Variants in PARP4 observed in about 807,000 individuals in gnomAD.
PARP4 encodes protein mono-ADP-ribosyltransferase PARP4.
In PARP4, 120 loss-of-function variants were observed where a neutral mutation model predicts 187.7. That is an observed-to-expected ratio of 0.64 (90% CI 0.55 to 0.74). The LOEUF (loss-of-function observed/expected upper bound fraction) is 0.74. Ranked by LOEUF, PARP4 falls within the 30% of genes least tolerant of loss-of-function variation. PARP4 has a pLI of 0.00. For missense variants in PARP4, 1,836 were observed against 2,070.5 expected, an observed-to-expected ratio of 0.89 and a Z score of 2.20; for synonymous variants, 654 against 740.9, an observed-to-expected ratio of 0.88 and a Z score of 1.90.
At chr13:24,505,989 G>C (rs966342871) in intron 1 of PARP4, among the ~76,000 whole-genome samples, 1 of 152,228 alleles carries the variant, frequency 6.6e-6, no homozygotes, top group African/African-American at 2.4e-5. Flanking sequence ...CCCTTTGCCT[G>C]CCCTTTCACC....
At chr13:24,466,326 C>T (rs1003545668) in intron 17 of PARP4, among the ~76,000 whole-genome samples, 1 of 152,090 alleles carries the variant, frequency 6.6e-6, no homozygotes, top group African/African-American at 2.4e-5. Context: ...GGACTACAGG[C>T]ATGCATCACC....
intron 16 of PARP4, 130 bp downstream of exon 16, chr13:24,469,764 G>T: frequency 2.1e-6 from 2 of 958,590 alleles, no homozygotes; most frequent in Non-Finnish European, 3.0e-6. Flanking sequence ...ATTCTTCAAA[G>T]AATATTCTCG....
chr13:24,469,954 A>G lies in PARP4; in HGVS notation c.1986T>C (p.Asp662=). 6.2e-7 allele frequency: 1 copy of G among 1,613,934 alleles called. No individual in the cohort carries two copies. Among genetic ancestry groups the G allele is most frequent in the Non-Finnish European group, 8.5e-7 (1 of 1,179,850 alleles). The change falls in exon 16 of 34, where the codon GAT becomes GAC. Residue 662 remains aspartate (D), a synonymous_variant. Coordinates refer to ENST00000381989, the MANE Select transcript of PARP4 (RefSeq NM_006437.4). ...PIEAKYIFPL[D]DKAAVCGFEA... ...CGAAGCCACACACAGCGGCCTTGTC[A>G]TCCAAAGGAAAGATATATTTTGCCT...
chr13:24,506,377 A>G (rs1593661220), intron 1 of PARP4, among the ~76,000 whole-genome samples: 1 of 152,252 alleles, frequency 6.6e-6, no homozygotes, highest in South Asian at 2.1e-4. Flanking sequence ...TGAAAAACAA[A>G]GCTTCCACAG....
At chr13:24,457,909 T>C (rs1488224362) in intron 20 of PARP4, among the ~76,000 whole-genome samples, 1 of 150,124 alleles carries the variant, frequency 6.7e-6, no homozygotes, top group Non-Finnish European at 1.5e-5. Context: ...TGAATGAAAA[T>C]CATACTGTTA....
chr13:24,495,699 C>G (rs1043610207), intron 6 of PARP4, among the ~76,000 whole-genome samples: 31 of 152,168 alleles, frequency 2.0e-4, no homozygotes, highest in African/African-American at 7.5e-4. Flanking sequence ...GTGTGGACCC[C>G]TGGGAAGCCA....
intron 22 of PARP4, among the ~76,000 whole-genome samples, chr13:24,454,327 C>A (rs1871703403): frequency 6.6e-6 from 1 of 152,222 alleles, no homozygotes; most frequent in Admixed American, 6.5e-5. Flanking sequence ...TCTGTCCCAG[C>A]AACAGCAGAC....
intron 16 of PARP4, among the ~76,000 whole-genome samples, chr13:24,469,349 G>C (rs1311572903): frequency 6.6e-6 from 1 of 152,108 alleles, no homozygotes; most frequent in African/African-American, 2.4e-5. Context: ...AGAATCAATA[G>C]TGAAAAAAAT....
chr13:24,485,445 T>C (rs1478935656), intron 11 of PARP4, among the ~76,000 whole-genome samples: 1 of 152,242 alleles, frequency 6.6e-6, no homozygotes, highest in Non-Finnish European at 1.5e-5. Context: ...GGCATCCTTC[T>C]GATTCATGCA....
intron 31 of PARP4, among the ~76,000 whole-genome samples, chr13:24,432,646 A>T (rs1429382758): frequency 2.6e-5 from 4 of 152,124 alleles, no homozygotes; most frequent in Admixed American, 1.3e-4. Flanking sequence ...TGTACAGTAG[A>T]TCTCCAGCAT....
intron 6 of PARP4, among the ~76,000 whole-genome samples, chr13:24,496,007 A>G (rs1184619298): frequency 6.6e-6 from 1 of 151,854 alleles, no homozygotes; most frequent in Admixed American, 6.6e-5. Context: ...TAAGGGAGGA[A>G]GGCACCCTGA....
intron 17 of PARP4, among the ~76,000 whole-genome samples, 186 bp from the exon 18 acceptor site, chr13:24,460,322 TG>T (rs1872145807): frequency 6.6e-6 from 1 of 152,196 alleles, no homozygotes; most frequent in African/African-American, 2.4e-5. Context: ...TCACCAGTGG[TG>T]GGAACAGGGT....
chr13:24,503,141 G>T (rs1031239034), intron 2 of PARP4, among the ~76,000 whole-genome samples: 9 of 152,232 alleles, frequency 5.9e-5, no homozygotes, highest in African/African-American at 2.2e-4. Flanking sequence ...ACAAGTTCAA[G>T]AGGCAGAAGG....
At chr13:24,484,520 T>C in intron 12 of PARP4, 133 bp downstream of exon 12, 1 of 641,442 alleles carries the variant, frequency 1.6e-6, no homozygotes, top group Non-Finnish European at 2.9e-6. Flanking sequence ...TGAAATAGTA[T>C]TCCAGCCACA....
intron 15 of PARP4, among the ~76,000 whole-genome samples, chr13:24,474,158 T>C (rs912185876): frequency 6.6e-6 from 1 of 152,150 alleles, no homozygotes; most frequent in Admixed American, 6.5e-5. Context: ...GGGCAAACAC[T>C]CTGCTGTCTT....
chr13:24,474,234 G>A (rs1872867191), intron 15 of PARP4, among the ~76,000 whole-genome samples: 1 of 152,016 alleles, frequency 6.6e-6, no homozygotes, highest in South Asian at 2.1e-4. Flanking sequence ...CTGCTCTCAG[G>A]CCTTGGCGGA....
chr13:24,432,468 A>G (rs1395241249), intron 31 of PARP4, among the ~76,000 whole-genome samples: 1 of 152,186 alleles, frequency 6.6e-6, no homozygotes, highest in Non-Finnish European at 1.5e-5. Context: ...GAAACCATCA[A>G]ACCATCACTT....
At chr13:24,426,392 T>C in intron 33 of PARP4, 74 bp downstream of exon 33, 1 of 1,173,272 alleles carries the variant, frequency 8.5e-7, no homozygotes, top group Non-Finnish European at 1.2e-6. Flanking sequence ...TAATTCCCTA[T>C]AGCTGTTTCT....
intron 23 of PARP4, 56 bp from the exon 24 acceptor site, chr13:24,452,649 G>C (rs1871586396): frequency 5.7e-6 from 8 of 1,415,242 alleles, no homozygotes; most frequent in Non-Finnish European, 6.9e-6. Context: ...GTCACCATTT[G>C]CTGTCATCAT....
Sources: allele counts gnomAD v4.1 joint callset (sites outside exome capture counted in the v4.1 genomes callset), GRCh38; gene constraint gnomAD v4.1.1; transcripts MANE v1.5; gene names NCBI Gene and HGNC (gene_info 2026-07-23, HGNC 2026-07-21).